IDE: variants seen among roughly 807,000 people sequenced by gnomAD.
IDE encodes insulin-degrading enzyme.
In IDE, 58 loss-of-function variants were observed where a neutral mutation model predicts 133.2. The observed-to-expected ratio is 0.44, with a 90% CI of 0.35 to 0.54. The LOEUF is 0.54. Among genes scored for constraint, IDE ranks in the 20% least tolerant of loss-of-function variants. The pLI is 0.00. For synonymous variants in IDE, 396 were observed against 421.3 expected (o/e 0.94, Z 0.73); for missense variants, 981 against 1,234.0 (o/e 0.79, Z 3.07).
chr10:92,482,831 A>C (rs2135423278), intron 14 of IDE, among the ~76,000 whole-genome samples: 1 of 151,256 alleles, frequency 6.6e-6, no homozygotes, highest in South Asian at 2.1e-4. Flanking sequence ...TTTGAGACAG[A>C]GTCTGGCTCT....
At chr10:92,479,714 A>C (rs1374958866) in intron 14 of IDE, 1 of 266,850 alleles carries the variant, frequency 3.7e-6, no homozygotes, top group Non-Finnish European at 7.3e-6. Context: ...AGAACTGACA[A>C]GTTAGAAATG....
chr10:92,469,762 C>A (rs866766996), intron 18 of IDE, among the ~76,000 whole-genome samples: 1 of 152,188 alleles, frequency 6.6e-6, no homozygotes, highest in African/African-American at 2.4e-5. Flanking sequence ...TTTTGTAGTG[C>A]TTTCCATGTG....
At chr10:92,501,314 A>G (rs1164425282) in intron 11 of IDE, among the ~76,000 whole-genome samples, 2 of 138,416 alleles carry the variant, frequency 1.4e-5, no homozygotes, top group African/African-American at 5.4e-5. Flanking sequence ...GTGAGCCAAG[A>G]TGACACTAGT....
intron 19 of IDE, 90 bp downstream of exon 19, chr10:92,468,789 G>A (rs951680954): frequency 2.7e-5 from 18 of 659,194 alleles, no homozygotes; most frequent in South Asian, 8.3e-5. Context: ...AATCTTTGGC[G>A]TAAAACTATA....
intron 1 of IDE, among the ~76,000 whole-genome samples, chr10:92,573,463 A>T (rs954111750): frequency 1.3e-5 from 2 of 152,150 alleles, no homozygotes; most frequent in South Asian, 4.1e-4. Flanking sequence ...CCCGGAGAAA[A>T]GGGCAGGGCT....
At chr10:92,556,746 A>G (rs928340489) in intron 1 of IDE, among the ~76,000 whole-genome samples, 4 of 151,904 alleles carry the variant, frequency 2.6e-5, no homozygotes, top group African/African-American at 9.7e-5. Context: ...CAACAGAGCG[A>G]AAGTCTGTCT....
rs1239349910 is a variant in IDE at position 92,479,363 on chromosome 10, G to A, written c.1798C>T (p.Leu600Phe). 1.9e-6 allele frequency: 3 copies of A among 1,613,210 alleles called. No individual in the cohort carries two copies. The change falls in exon 15 of 25, where the codon CTC (leucine) becomes TTC (phenylalanine). Residue 600 changes from leucine (L) to phenylalanine (F), a missense_variant. By Grantham distance (22) the Leu-to-Phe change is conservative. Coordinates refer to ENST00000265986, the MANE Select transcript of IDE (RefSeq NM_004969.4). ...CNMAYLYLELLKDSLNEYAYA... is the reference protein window; with the variant it reads ...CNMAYLYLELFKDSLNEYAYA... ...GCATACTCGTTGAGTGAGTCTTTGA[G>A]GAGCTCAAGGTACAAATAGGCCATG...
At chr10:92,539,734 A>C (rs1842203429) in intron 1 of IDE, among the ~76,000 whole-genome samples, 1 of 152,160 alleles carries the variant, frequency 6.6e-6, no homozygotes, top group African/African-American at 2.4e-5. Flanking sequence ...ACTGCACTCC[A>C]GCCTGGCGAC....
At position 92,452,061 on chromosome 10, in the gene IDE, A is replaced by AT. The variant is rs1310260846; in HGVS notation, c.*2382dup. ...TTAAGGTTGTGAAATTGAGTCTTCT[A>AT]TTTGACAAAAATCATTGTTACCCAG... On this transcript the variant is annotated 3_prime_UTR_variant, in exon 25 of 25. Coordinates refer to ENST00000265986, the MANE Select transcript of IDE (RefSeq NM_004969.4). The AT allele has an allele frequency of 2.0e-5, 3 of 152,178 alleles. No individual in the cohort carries two copies. Among genetic ancestry groups the AT allele is most frequent in the African/African-American group, 7.2e-5 (3 of 41,448 alleles). The allele number at this position is 152,178 out of a possible 1,614,324, so 9.4% of individuals were successfully genotyped here. A position where few individuals can be genotyped will look rare whatever the true frequency, so the allele number is the denominator to read the frequency against.
chr10:92,465,062 AAAGG>A (rs1845601855), intron 20 of IDE, among the ~76,000 whole-genome samples: 2 of 152,214 alleles, frequency 1.3e-5, no homozygotes, highest in South Asian at 2.1e-4. Context: ...GAGCTCCTCG[AAAGG>A]AAGGACCATC....
At chr10:92,473,411 A>G (rs755594553) in intron 17 of IDE, among the ~76,000 whole-genome samples, 40 of 152,056 alleles carry the variant, frequency 2.6e-4, no homozygotes, top group Admixed American at 2.3e-3. Flanking sequence ...GGCATTCATT[A>G]GATACACACT....
intron 11 of IDE, among the ~76,000 whole-genome samples, chr10:92,495,296 C>T (rs1280832899): frequency 6.6e-6 from 1 of 151,344 alleles, no homozygotes; most frequent in Non-Finnish European, 1.5e-5. Flanking sequence ...TCTTGGCTCA[C>T]CACAACCTCC....
chr10:92,534,508 AAAT>A (rs1850132614), intron 3 of IDE, 67 bp downstream of exon 3: 5 of 889,720 alleles, frequency 5.6e-6, no homozygotes, highest in Middle Eastern at 5.4e-4. Context: ...ATCTCTGTGG[AAAT>A]AATAATTATT....
intron 19 of IDE, among the ~76,000 whole-genome samples, chr10:92,468,259 A>T (rs778485873): frequency 8.5e-5 from 13 of 152,186 alleles, no homozygotes; most frequent in Non-Finnish European, 1.8e-4. Flanking sequence ...ACAACCAAAC[A>T]ATCAAGCTTG....
intron 1 of IDE, among the ~76,000 whole-genome samples, chr10:92,554,484 G>A (rs936401670): frequency 3.3e-5 from 5 of 149,676 alleles, no homozygotes; most frequent in Admixed American, 6.7e-5. Flanking sequence ...GTTTAGGTCT[G>A]CAGTGAGCCA....
rs540670613 is a variant in IDE at position 92,489,523 on chromosome 10, T to C, written c.1533+970A>G. Reference sequence around the variant, plus strand: ...AGCATGGTGACACAGCGAGATTCCATCTCAAAAAAAAAAATAAAATTCCCA... The same window carrying C: ...AGCATGGTGACACAGCGAGATTCCACCTCAAAAAAAAAAATAAAATTCCCA... On this transcript the variant is annotated intron_variant, in intron 12 of 24. Transcript: ENST00000265986. Among the ~76,000 whole-genome samples, 32 of 151,266 alleles carry C rather than the reference T, an allele frequency of 2.1e-4. 1 individual carries two copies. In the South Asian group the frequency reaches 6.3e-3, roughly 30 times the overall value.
At chr10:92,569,804 T>G (rs1843705979) in intron 1 of IDE, among the ~76,000 whole-genome samples, 1 of 152,180 alleles carries the variant, frequency 6.6e-6, no homozygotes, top group South Asian at 2.1e-4. Flanking sequence ...GAAAGCAGAT[T>G]GTGAGTCCTA....
intron 17 of IDE, among the ~76,000 whole-genome samples, chr10:92,472,340 C>A (rs755231172): frequency 1.3e-5 from 2 of 152,084 alleles, no homozygotes; most frequent in African/African-American, 2.4e-5. Flanking sequence ...AAGTAGGCTT[C>A]GTTTTGGAAA....
chr10:92,494,717 A>T (rs1847584831), intron 11 of IDE, among the ~76,000 whole-genome samples: 1 of 152,222 alleles, frequency 6.6e-6, no homozygotes, highest in Admixed American at 6.5e-5. Flanking sequence ...AAATGTTTGG[A>T]GCGAATGCAG....
Sources: gnomAD v4.1 joint callset for allele counts (sites outside exome capture counted in the v4.1 genomes callset) on GRCh38, gnomAD v4.1.1 for gene constraint, MANE v1.5 for transcripts, NCBI Gene and HGNC (gene_info 2026-07-23, HGNC 2026-07-21) for gene names.